BTAF1: variants seen among roughly 807,000 people sequenced by gnomAD.
BTAF1 encodes B-TFIID TATA-box binding protein associated factor 1.
In BTAF1, 38 loss-of-function variants were observed where a neutral mutation model predicts 227.1. The ratio of observed to expected loss-of-function variants is 0.17; its 90% confidence interval spans 0.13 to 0.22. BTAF1 has a LOEUF of 0.22. BTAF1 is among the 10% of genes least tolerant of loss of function. The pLI is 1.00. For missense variants in BTAF1, 1,598 were observed against 2,204.0 expected (o/e 0.73, Z 5.51); for synonymous variants, 742 against 751.9 (o/e 0.99, Z 0.21).
At chr10:92,001,754 T>G (rs751882801) in intron 25 of BTAF1, among the ~76,000 whole-genome samples, 9 of 151,538 alleles carry the variant, frequency 5.9e-5, no homozygotes, top group Admixed American at 2.0e-4. Context: ...GTCCAGTAAC[T>G]GGGGGAAAAT....
chr10:91,977,689 G>A (rs1847790114), intron 14 of BTAF1, among the ~76,000 whole-genome samples: 1 of 152,118 alleles, frequency 6.6e-6, no homozygotes, highest in Non-Finnish European at 1.5e-5. Flanking sequence ...CCAGCAATGA[G>A]TGAGAGTTCC....
At chr10:92,002,000 ACACACACACACACACT>A (rs1277154931) in intron 25 of BTAF1, among the ~76,000 whole-genome samples, 1 of 126,380 alleles carries the variant, frequency 7.9e-6, no homozygotes, top group African/African-American at 2.5e-5. Context: ...ACACACACAC[ACACACACACACACACT>A]CCATATATTC....
intron 34 of BTAF1, among the ~76,000 whole-genome samples, chr10:92,021,796 G>A (rs1235817034): frequency 6.6e-6 from 1 of 151,954 alleles, no homozygotes; most frequent in African/African-American, 2.4e-5. Flanking sequence ...CGCCTGCCTG[G>A]GCCTCCTAAA....
Position 91,982,692 on chromosome 10 carries a change from G to A in BTAF1, c.2154G>A (p.Leu718=). 6.2e-7 allele frequency: 1 copy of A among 1,613,928 alleles called. No individual in the cohort carries two copies. Among genetic ancestry groups the A allele is most frequent in the Non-Finnish European group, 8.5e-7 (1 of 1,179,894 alleles). ...ESLGQLLLFH[L]NSKSALQRIS... ...TGGGCCAGTTACTACTCTTCCATTT[G>A]AACTCCAAGTCTGCTTTACAGAGGA... is the stretch of plus-strand genomic sequence containing the variant. Residue 718 remains leucine (L), a synonymous_variant, in exon 18 of 38, where the codon TTG becomes TTA. Transcript: ENST00000265990.
At chr10:91,930,323 T>G (rs1231676243) in intron 1 of BTAF1, among the ~76,000 whole-genome samples, 1 of 152,206 alleles carries the variant, frequency 6.6e-6, no homozygotes, top group Non-Finnish European at 1.5e-5. Context: ...ATAGCATAGC[T>G]TGGTTGTACA....
In BTAF1 at chr10:92,029,755, C is replaced by CAACA. The variant is rs1851773245; in HGVS notation, c.*823_*826dup. The CAACA allele has an allele frequency of 6.6e-6, 1 of 151,980 alleles. No individual in the cohort carries two copies. Among genetic ancestry groups the CAACA allele is most frequent in the Non-Finnish European group, 1.5e-5 (1 of 67,910 alleles). 9.4% of individuals were successfully genotyped at this position (151,980 alleles called of 1,614,324 possible). A position where few individuals can be genotyped will look rare whatever the true frequency, so the allele number is the denominator to read the frequency against. ...ATAGATTTTACACTGTTTAGAATTC[C>CAACA]AACACCTACAGTGGAAAGACTGTTT... On this transcript the variant is annotated 3_prime_UTR_variant, in exon 38 of 38. Transcript: ENST00000265990.
intron 8 of BTAF1, among the ~76,000 whole-genome samples, chr10:91,958,790 A>C (rs894838935): frequency 1.3e-5 from 2 of 152,220 alleles, no homozygotes; most frequent in African/African-American, 4.8e-5. Flanking sequence ...GTAGAGGATA[A>C]GGGAGTGAAA....
At chr10:91,924,611 A>T (rs922373748) in intron 1 of BTAF1, among the ~76,000 whole-genome samples, 1 of 152,236 alleles carries the variant, frequency 6.6e-6, no homozygotes, top group East Asian at 1.9e-4. Flanking sequence ...GGCAGTAAAC[A>T]TTCCAACGTC....
At chr10:92,013,103 G>C (rs1017813041) in intron 30 of BTAF1, among the ~76,000 whole-genome samples, 2 of 152,172 alleles carry the variant, frequency 1.3e-5, no homozygotes, top group African/African-American at 4.8e-5. Context: ...TAAAGGGGAA[G>C]GTGGGTAAAA....
intron 15 of BTAF1, 71 bp downstream of exon 15, chr10:91,980,629 C>G (rs1367029521): frequency 1.7e-6 from 2 of 1,208,964 alleles, no homozygotes; most frequent in Admixed American, 3.7e-5. Context: ...TTCATAATTG[C>G]TGTTCTGTTG....
At position 92,018,954 on chromosome 10, in the gene BTAF1, T is replaced by G; in HGVS notation, c.4863+19T>G. ...GAAACAAGTATGTATGTCTTTTAAG[T>G]GTTAAATGTGTGTTGTACCCCAGGA... is the stretch of plus-strand genomic sequence containing the variant. On this transcript the variant is annotated intron_variant, in intron 34 of 37. Transcript: ENST00000265990. 1 of 1,500,422 alleles carries G rather than the reference T, an allele frequency of 6.7e-7. No individual in the cohort carries two copies. The highest frequency in any genetic ancestry group is 8.9e-7 in the Non-Finnish European group (1 of 1,123,256). 92.9% of individuals were successfully genotyped at this position (1,500,422 alleles called of 1,614,324 possible). A position where few individuals can be genotyped will look rare whatever the true frequency, so the allele number is the denominator to read the frequency against.
intron 2 of BTAF1, among the ~76,000 whole-genome samples, chr10:91,939,547 T>C (rs1263705503): frequency 6.6e-6 from 1 of 152,196 alleles, no homozygotes; most frequent in Non-Finnish European, 1.5e-5. Context: ...CAAGTGATTC[T>C]CCTGTCTCAG....
At chr10:91,951,986 C>T (rs191098900) in intron 5 of BTAF1, among the ~76,000 whole-genome samples, 178 of 151,250 alleles carry the variant, frequency 1.2e-3, no homozygotes, top group African/African-American at 4.0e-3. Context: ...ATAAGACAAC[C>T]GAGAAAGGGT....
At chr10:91,992,433 G>A in intron 21 of BTAF1, 124 bp downstream of exon 21, 1 of 898,692 alleles carries the variant, frequency 1.1e-6, no homozygotes, top group South Asian at 2.0e-5. Context: ...ATTAATTTTT[G>A]GAGTACTCCA....
At chr10:91,942,760 G>A (rs186332739) in intron 4 of BTAF1, among the ~76,000 whole-genome samples, 192 bp downstream of exon 4, 1 of 152,132 alleles carries the variant, frequency 6.6e-6, no homozygotes, top group Admixed American at 6.5e-5. Context: ...TACAATATGA[G>A]TATTTTTTCT....
chr10:91,981,049 A>G (rs1848030783), intron 15 of BTAF1, among the ~76,000 whole-genome samples: 1 of 152,116 alleles, frequency 6.6e-6, no homozygotes, highest in Non-Finnish European at 1.5e-5. Context: ...TTGTACCTTT[A>G]TAATCTGTTA....
chr10:91,966,067 C>T (rs1267489829), intron 13 of BTAF1, among the ~76,000 whole-genome samples: 6 of 152,148 alleles, frequency 3.9e-5, no homozygotes, highest in Non-Finnish European at 2.9e-5. Flanking sequence ...TTGTTTGCTT[C>T]CCCATTTAAA....
intron 1 of BTAF1, chr10:91,935,015 C>T (rs1424753379): frequency 6.6e-6 from 1 of 152,170 alleles, no homozygotes; most frequent in East Asian, 1.9e-4. Flanking sequence ...CTTACCTGCT[C>T]CCTTCAACCC....
chr10:91,950,155 GGGC>G (rs201152003), intron 4 of BTAF1, among the ~76,000 whole-genome samples: 5 of 54,354 alleles, frequency 9.2e-5, no homozygotes, highest in African/African-American at 1.4e-4. Context: ...TTGTGGGGGG[GGGC>G]GGGAAAGAAG....
Sources: gnomAD v4.1 joint callset for allele counts (sites outside exome capture counted in the v4.1 genomes callset) on GRCh38, gnomAD v4.1.1 for gene constraint, MANE v1.5 for transcripts, NCBI Gene and HGNC (gene_info 2026-07-23, HGNC 2026-07-21) for gene names.